MAST4: variants seen among roughly 807,000 people sequenced by gnomAD.
The protein encoded by MAST4 is microtubule-associated serine/threonine-protein kinase 4.
Under a neutral mutation model 162.7 loss-of-function variants are expected in MAST4, and 89 were observed. The observed-to-expected ratio is 0.55, with a 90% CI of 0.46 to 0.65. The LOEUF (loss-of-function observed/expected upper bound fraction) is 0.65, where lower values mean the gene tolerates loss of function less well. Ranked by LOEUF, MAST4 falls within the 30% of genes least tolerant of loss-of-function variation. The pLI, the probability that MAST4 is intolerant of heterozygous loss-of-function variation, is 0.00. For synonymous variants in MAST4, 1,479 were observed against 1,361.1 expected, an observed-to-expected ratio of 1.09 and a Z score of -1.91; for missense variants, 3,153 against 3,374.0, an observed-to-expected ratio of 0.93 and a Z score of 1.62.
intron 1 of MAST4, among the ~76,000 whole-genome samples, chr5:66,611,798 T>G (rs1004215970): frequency 6.6e-6 from 1 of 152,236 alleles, no homozygotes; most frequent in Non-Finnish European, 1.5e-5. Flanking sequence ...TTTAGAAATT[T>G]ATTTTGACAT....
At chr5:66,882,874 C>T (rs142405371) in intron 3 of MAST4, among the ~76,000 whole-genome samples, 105 of 152,134 alleles carry the variant, frequency 6.9e-4, no homozygotes, top group African/African-American at 2.5e-3. Context: ...CAGTTTCTAC[C>T]GAGATTTAAA....
intron 1 of MAST4, among the ~76,000 whole-genome samples, chr5:66,618,600 C>T (rs1580003836): frequency 6.6e-6 from 1 of 152,160 alleles, no homozygotes; most frequent in Admixed American, 6.5e-5. Context: ...AAACACTTCC[C>T]TCTGTATTGA....
At chr5:66,641,901 A>T (rs1745511298) in intron 1 of MAST4, among the ~76,000 whole-genome samples, 1 of 152,354 alleles carries the variant, frequency 6.6e-6, no homozygotes, top group Admixed American at 6.5e-5. Flanking sequence ...ATAGGAAAAA[A>T]TAACCAATCT....
intron 3 of MAST4, among the ~76,000 whole-genome samples, chr5:66,824,816 C>T (rs1757164460): frequency 1.3e-5 from 2 of 152,150 alleles, no homozygotes; most frequent in Admixed American, 6.5e-5. Context: ...ATTTGCAACA[C>T]AATGGCAAGT....
chr5:66,706,527 C>T (rs1750138745), intron 1 of MAST4, among the ~76,000 whole-genome samples: 1 of 152,100 alleles, frequency 6.6e-6, no homozygotes, highest in African/African-American at 2.4e-5. Flanking sequence ...TCCATGAGTT[C>T]CTTTTGCTGA....
chr5:66,643,905 T>C (rs1745649743), intron 1 of MAST4, among the ~76,000 whole-genome samples: 1 of 150,654 alleles, frequency 6.6e-6, no homozygotes, highest in African/African-American at 2.4e-5. Flanking sequence ...TTAAATTACA[T>C]TTGGGTGACC....
At chr5:66,950,178 AGTC>A (rs1323251471) in intron 4 of MAST4, among the ~76,000 whole-genome samples, 1 of 152,096 alleles carries the variant, frequency 6.6e-6, no homozygotes, top group Non-Finnish European at 1.5e-5. Flanking sequence ...TAGAACTTGA[AGTC>A]GTATATATAA....
chr5:66,736,927 C>A (rs1342721349), intron 1 of MAST4, among the ~76,000 whole-genome samples: 3 of 152,180 alleles, frequency 2.0e-5, no homozygotes, highest in Non-Finnish European at 2.9e-5. Flanking sequence ...TTTGCGTCCC[C>A]TCTGTAATAT....
intron 4 of MAST4, among the ~76,000 whole-genome samples, chr5:67,027,064 A>G (rs945890359): frequency 2.0e-5 from 3 of 152,186 alleles, no homozygotes; most frequent in African/African-American, 7.2e-5. Context: ...ACATGTTTAT[A>G]TAATTATTGT....
intron 3 of MAST4, among the ~76,000 whole-genome samples, chr5:66,815,101 G>A (rs1448952382): frequency 6.6e-6 from 1 of 152,198 alleles, no homozygotes; most frequent in Non-Finnish European, 1.5e-5. Flanking sequence ...CATGTTGCTA[G>A]AATGCATTAT....
At chr5:66,986,447 T>C (rs1052598803) in intron 4 of MAST4, 1 of 1,566,324 alleles carries the variant, frequency 6.4e-7, no homozygotes, top group Non-Finnish European at 8.7e-7. Context: ...TTTTTAGCCC[T>C]GTGTGTCCAA....
chr5:67,159,822 G>T (rs950804719), intron 26 of MAST4, among the ~76,000 whole-genome samples: 7 of 152,142 alleles, frequency 4.6e-5, no homozygotes, highest in Admixed American at 1.3e-4. Context: ...TTAAAAAGAG[G>T]TTTCCTACTG....
At chr5:67,083,150 T>G (rs1443106005) in intron 5 of MAST4, among the ~76,000 whole-genome samples, 1 of 152,224 alleles carries the variant, frequency 6.6e-6, no homozygotes, top group African/African-American at 2.4e-5. Flanking sequence ...TGATAGATTC[T>G]TGGCACATCA....
intron 1 of MAST4, among the ~76,000 whole-genome samples, chr5:66,615,172 A>T (rs184478731): frequency 3.7e-4 from 57 of 152,152 alleles, no homozygotes; most frequent in African/African-American, 1.2e-3. Context: ...GGGAAGAGAG[A>T]GAAAGTGAGT....
Position 66,807,026 on chromosome 5 carries a change from T to C in MAST4, c.642+18232T>C, listed in dbSNP as rs148488417. 1.7e-3 allele frequency among the ~76,000 whole-genome samples: 259 copies of C among 152,342 alleles called. 1 individual carries two copies. Among genetic ancestry groups the C allele is most frequent in the Admixed American group, 3.6e-3 (55 of 15,306 alleles). ...ACATCACTCTTATCTACATTAAATT[T>C]TTAAAAAGCTTTTAATTTTTGTGGG... On this transcript the variant is annotated intron_variant, in intron 3 of 28. Transcript: ENST00000403625.
intron 3 of MAST4, among the ~76,000 whole-genome samples, chr5:66,789,334 C>A (rs1200567117): frequency 2.0e-5 from 3 of 152,106 alleles, no homozygotes; most frequent in African/African-American, 7.2e-5. Context: ...ATCTACTCTG[C>A]CATCTGTATT....
At chr5:66,631,710 C>T (rs1417855683) in intron 1 of MAST4, among the ~76,000 whole-genome samples, 1 of 152,138 alleles carries the variant, frequency 6.6e-6, no homozygotes, top group African/African-American at 2.4e-5. Flanking sequence ...TATAACCTCA[C>T]AAGAAGAAGA....
Position 67,166,244 on chromosome 5 carries a change from C to G in MAST4, c.7065C>G (p.Asp2355Glu), listed in dbSNP as rs1357901536. The G allele has an allele frequency of 1.9e-6, 3 of 1,552,584 alleles. No homozygotes were observed. Among genetic ancestry groups the G allele is most frequent in the Non-Finnish European group, 2.6e-6 (3 of 1,147,476 alleles). The change falls in exon 29 of 29, where the codon GAC (aspartate) becomes GAG (glutamate). Residue 2355 changes from aspartate to glutamate, a missense_variant. Coordinates refer to ENST00000403625, the MANE Select transcript of MAST4 (RefSeq NM_001164664.2). ...LCKQTDNRQT[D>E]KSPSQPAANT... Reference sequence around the variant, plus strand: ...AACAGACAGACAACAGACAGACAGACAAAAGCCCGAGTCAGCCGGCCGCCA... The same window carrying G: ...AACAGACAGACAACAGACAGACAGAGAAAAGCCCGAGTCAGCCGGCCGCCA...
At chr5:66,866,074 C>CAAAAAA (rs57347322) in intron 3 of MAST4, among the ~76,000 whole-genome samples, 1 of 115,762 alleles carries the variant, frequency 8.6e-6, no homozygotes, top group Non-Finnish European at 1.7e-5. Flanking sequence ...ATCTCCATCT[C>CAAAAAA]AAAAAAAAAA....
Sources: allele counts gnomAD v4.1 joint callset (sites outside exome capture counted in the v4.1 genomes callset), GRCh38; gene constraint gnomAD v4.1.1; transcripts MANE v1.5; gene names NCBI Gene and HGNC (gene_info 2026-07-23, HGNC 2026-07-21).